Variants in COL18A1 observed in about 807,000 individuals in gnomAD.
The protein encoded by COL18A1 is collagen type XVIII alpha 1 chain.
Under a neutral mutation model 168.0 loss-of-function variants are expected in COL18A1, and 133 were observed. That is an observed-to-expected ratio of 0.79 (90% confidence interval 0.69 to 0.91). The LOEUF (loss-of-function observed/expected upper bound fraction) is 0.91, where lower values mean the gene tolerates loss of function less well. Among genes scored for constraint, COL18A1 ranks in the 40% least tolerant of loss-of-function variants. COL18A1 has a pLI of 0.00. For missense variants in COL18A1, 2,126 were observed against 1,925.4 expected (o/e 1.10, Z -1.95); for synonymous variants, 949 against 809.0 (o/e 1.17, Z -2.94).
At chr21:45,491,544 C>T (rs984304401) in intron 22 of COL18A1, among the ~76,000 whole-genome samples, 1 of 143,072 alleles carries the variant, frequency 7.0e-6, no homozygotes, top group African/African-American at 2.5e-5. Context: ...GGAGGGCCTG[C>T]ACAGGGGCCA....
Position 45,494,849 on chromosome 21 carries a change from C to T in COL18A1, c.2380-13C>T, listed in dbSNP as rs2146000243. 1.9e-6 allele frequency: 3 copies of T among 1,605,736 alleles called. No individual in the cohort carries two copies. The highest frequency in any genetic ancestry group is 2.5e-6 in the Non-Finnish European group (3 of 1,176,594). On this transcript the variant is annotated splice_polypyrimidine_tract_variant and intron_variant, in intron 27 of 41. Coordinates refer to ENST00000651438, the MANE Select transcript of COL18A1 (RefSeq NM_001379500.1). Reference sequence around the variant, plus strand: ...GGTCTGCCCCACTAAGCCTGGCCCCCTTCCTCTTGCAGGGTCCATACGGAC... The same window carrying T: ...GGTCTGCCCCACTAAGCCTGGCCCCTTTCCTCTTGCAGGGTCCATACGGAC...
intron 3 of COL18A1, among the ~76,000 whole-genome samples, chr21:45,469,736 C>A (rs1259343127): frequency 1.3e-5 from 2 of 152,234 alleles, no homozygotes; most frequent in African/African-American, 4.8e-5. Context: ...CCTGCCCTGG[C>A]GGGCCGCAGG....
Position 45,490,325 on chromosome 21 carries a change from A to C in COL18A1, c.2010A>C (p.Arg670Ser). The change falls in exon 20 of 42, where the codon AGA (arginine) becomes AGC (serine). Residue 670 changes from arginine (R) to serine (S), a missense_variant. By Grantham distance (110) the Arg-to-Ser change is moderately radical (BLOSUM62 -1). Transcript: ENST00000651438. ...GVPGFPGLPGREGIAGPQGPK... is the reference protein window; with the variant it reads ...GVPGFPGLPGSEGIAGPQGPK... ...CCGGGTTCCCCGGCCTCCCTGGCAGAGAGGGCATTGCTGGGCCCCAGGTGA... is the reference window on the plus strand; with the variant it reads ...CCGGGTTCCCCGGCCTCCCTGGCAGCGAGGGCATTGCTGGGCCCCAGGTGA... The C allele has an allele frequency of 6.3e-7, 1 of 1,586,128 alleles. No individual in the cohort carries two copies.
chr21:45,478,155 G>T, intron 8 of COL18A1, 172 bp from the exon 9 acceptor site: 1 of 880,794 alleles, frequency 1.1e-6, no homozygotes. Flanking sequence ...GAGCTGCTCA[G>T]ACACAGCCCT....
chr21:45,439,433 C>T (rs1484421928), intron 2 of COL18A1, among the ~76,000 whole-genome samples: 2 of 152,254 alleles, frequency 1.3e-5, no homozygotes, highest in African/African-American at 2.4e-5. Flanking sequence ...CTTTCTAGGC[C>T]TTTACGTATC....
chr21:45,456,352 G>T, intron 2 of COL18A1: 8 of 1,550,398 alleles, frequency 5.2e-6, no homozygotes, highest in Non-Finnish European at 7.0e-6. Context: ...CCCTGGGCAA[G>T]CACGCGGCCC....
chr21:45,405,445 C>T lies in COL18A1; in HGVS notation c.78C>T (p.Leu26=), dbSNP rs1000865541. The T allele has an allele frequency of 1.4e-6, 2 of 1,380,932 alleles. No individual in the cohort carries two copies. The highest frequency in any genetic ancestry group is 1.9e-6 in the Non-Finnish European group (2 of 1,059,472). 85.5% of individuals were successfully genotyped at this position (1,380,932 alleles called of 1,614,324 possible). ...TGCTCGCGCCCCTGGTCCTGCTGCT[C>T]GGGGTCCGCGCGGCCTCCGCGGAGC... ...LDVLAPLVLL[L]GVRAASAEPE... The change falls in exon 2 of 42, where the codon CTC becomes CTT. Residue 26 remains leucine, a synonymous_variant. Coordinates refer to ENST00000651438, the MANE Select transcript of COL18A1 (RefSeq NM_001379500.1).
Position 45,487,613 on chromosome 21 carries a change from C to T in COL18A1, c.1896+104C>T, listed in dbSNP as rs759778348. On this transcript the variant is annotated intron_variant, in intron 17 of 41. Transcript: ENST00000651438. ...CACCGGCCTTGCATGGGATCGGAAGCCGCCCTGCAGAGCCGTGAGGACCAC... is the reference window on the plus strand; with the variant it reads ...CACCGGCCTTGCATGGGATCGGAAGTCGCCCTGCAGAGCCGTGAGGACCAC... The T allele has an allele frequency of 7.4e-5, 109 of 1,468,838 alleles. 1 individual carries two copies. Among genetic ancestry groups the T allele is most frequent in the Non-Finnish European group, 9.7e-5 (103 of 1,062,026 alleles). 91.0% of individuals were successfully genotyped at this position (1,468,838 alleles called of 1,614,324 possible). A position where few individuals can be genotyped will look rare whatever the true frequency, so the allele number is the denominator to read the frequency against.
rs777478289 is a variant in COL18A1, at chr21:45,486,977, A to G, written c.1818A>G (p.Gly606=). The change falls in exon 16 of 42, where the codon GGA becomes GGG. Residue 606 remains glycine (G), a synonymous_variant. Transcript: ENST00000651438. ...PPGPPGPPGP[G]LPAGFDDMEG... ...GGCCCCCTGGGCCCCCAGGACCAGG[A>G]CTCCCCGCTGGATTTGTGAGTACCG... The G allele has an allele frequency of 3.5e-5, 53 of 1,516,090 alleles. No homozygotes were observed. Among genetic ancestry groups the G allele is most frequent in the Non-Finnish European group, 4.4e-6 (5 of 1,138,944 alleles). 93.9% of individuals were successfully genotyped at this position (1,516,090 alleles called of 1,614,324 possible).
intron 4 of COL18A1, among the ~76,000 whole-genome samples, chr21:45,474,450 TG>T (rs1482801495): frequency 2.0e-5 from 3 of 148,570 alleles, no homozygotes; most frequent in African/African-American, 7.6e-5. Flanking sequence ...TGTCTCTGTG[TG>T]TAGTGTGTCT....
intron 2 of COL18A1, among the ~76,000 whole-genome samples, chr21:45,429,737 A>G (rs2838930): frequency 0.03 from 4,620 of 152,274 alleles, 86 homozygotes; most frequent in Middle Eastern, 0.061. Context: ...GGCATGTGAA[A>G]GCCAGTGTGT....
intron 2 of COL18A1, among the ~76,000 whole-genome samples, chr21:45,407,825 C>G (rs1215715030): frequency 2.0e-5 from 3 of 152,260 alleles, no homozygotes; most frequent in Admixed American, 1.3e-4. Flanking sequence ...GTGGTCAGCA[C>G]AGAGCCCAGT....
rs1362275673 is a variant in COL18A1 at position 45,507,548 on chromosome 21, T to C, written c.3217-13T>C. On this transcript the variant is annotated splice_polypyrimidine_tract_variant and intron_variant, in intron 37 of 41. Coordinates refer to ENST00000651438, the MANE Select transcript of COL18A1 (RefSeq NM_001379500.1). ...AGCCGCAGGTCCTGGGTGACCCTGC[T>C]GCTTTCTTCCAGCTGGAGGCCCGGA... 2 of 1,611,636 alleles carry C rather than the reference T, an allele frequency of 1.2e-6. No individual in the cohort carries two copies. The highest frequency in any genetic ancestry group is 3.3e-5 in the Admixed American group (2 of 59,880).
At chr21:45,485,851 G>T (rs906345056) in intron 15 of COL18A1, among the ~76,000 whole-genome samples, 1 of 152,244 alleles carries the variant, frequency 6.6e-6, no homozygotes, top group Non-Finnish European at 1.5e-5. Flanking sequence ...CCATATCAAG[G>T]CAGCGGGTCA....
Position 45,509,553 on chromosome 21 carries a change from G to A in COL18A1, c.3447G>A (p.Ala1149=), listed in dbSNP as rs1050351. ...HHSSYVHLRP[A]RPTSPPAHSH... is the part of the protein sequence containing the mutation. ...GCTCCTACGTGCACCTGCGGCCGGC[G>A]CGACCCACAAGCCCACCCGCCCACA... Residue 1149 remains alanine (A), a synonymous_variant, in exon 39 of 42, where the codon GCG becomes GCA. Transcript: ENST00000651438. 646,747 of 1,532,002 alleles carry A rather than the reference G, an allele frequency of 0.42. 138,426 individuals are homozygous for A. Among genetic ancestry groups the A allele is most frequent in the East Asian group, 0.58 (23,679 of 41,124 alleles). 94.9% of individuals were successfully genotyped at this position (1,532,002 alleles called of 1,614,324 possible).
intron 20 of COL18A1, 60 bp downstream of exon 20, chr21:45,490,406 C>G (rs2036275483): frequency 6.4e-6 from 9 of 1,405,924 alleles, no homozygotes; most frequent in Non-Finnish European, 8.9e-6. Flanking sequence ...AGGGACTATG[C>G]TAAGATGAAA....
chr21:45,506,059 G>A, intron 37 of COL18A1, 93 bp downstream of exon 37: 3 of 1,589,944 alleles, frequency 1.9e-6, no homozygotes, highest in Non-Finnish European at 2.6e-6. Flanking sequence ...GCCCCGGACA[G>A]GGATGGGAGC....
chr21:45,509,722 G>A lies in COL18A1; in HGVS notation c.3495+121G>A, dbSNP rs913215427. ...AGGCTTCGGCCATGGGTGGGGGTCT[G>A]GCGGCTCAGGGCCACTCAGGGCGGC... On this transcript the variant is annotated intron_variant, in intron 39 of 41. Transcript: ENST00000651438. 31 of 725,662 alleles carry A rather than the reference G, an allele frequency of 4.3e-5. 1 individual carries two copies. The highest frequency in any genetic ancestry group is 6.3e-5 in the Non-Finnish European group (26 of 409,674). The allele number at this position is 725,662 out of a possible 1,614,324, so 45.0% of individuals were successfully genotyped here.
chr21:45,468,349 C>A lies in COL18A1; in HGVS notation c.214C>A (p.Pro72Thr), dbSNP rs1364225894. 1 of 1,613,702 alleles carries A rather than the reference C, an allele frequency of 6.2e-7. No homozygotes were observed. Among genetic ancestry groups the A allele is most frequent in the Non-Finnish European group, 8.5e-7 (1 of 1,180,038 alleles). Reference protein sequence around the residue: ...PDVGLAYVFGPDANSGQVARY... With the variant: ...PDVGLAYVFGTDANSGQVARY... ...CGTCGGGCTGGCCTACGTCTTTGGG[C>A]CAGATGCCAACAGTGGCCAAGTGGC... Residue 72 changes from proline (P) to threonine (T), a missense_variant, in exon 3 of 42, where the codon CCA becomes ACA. Physicochemically the swap from Pro to Thr is conservative, Grantham distance 38. Transcript: ENST00000651438.
Sources: gnomAD v4.1 joint callset for allele counts (sites outside exome capture counted in the v4.1 genomes callset) on GRCh38, gnomAD v4.1.1 for gene constraint, MANE v1.5 for transcripts, NCBI Gene and HGNC (gene_info 2026-07-23, HGNC 2026-07-21) for gene names.